The following DIAPH2 variants were observed in gnomAD, a reference collection of about 807,000 sequenced individuals.
The protein encoded by DIAPH2 is diaphanous related formin 2, also known as protein diaphanous homolog 2.
Under a neutral mutation model 92.7 loss-of-function variants are expected in DIAPH2, and 35 were observed. The ratio of observed to expected loss-of-function variants is 0.38; its 90% CI spans 0.29 to 0.50. The LOEUF (loss-of-function observed/expected upper bound fraction) is 0.50, where lower values mean the gene tolerates loss of function less well. Ranked by LOEUF, DIAPH2 falls within the 20% of genes least tolerant of loss-of-function variation. DIAPH2 has a pLI of 0.94. For missense variants in DIAPH2, 701 were observed against 819.5 expected, an observed-to-expected ratio of 0.86 and a Z score of 1.77; for synonymous variants, 301 against 280.4, an observed-to-expected ratio of 1.07 and a Z score of -0.73.
chrX:96,921,209 G>T (rs1461592176), intron 9 of DIAPH2, among the ~76,000 whole-genome samples: 4 of 111,246 alleles, frequency 3.6e-5, no homozygotes, highest in Non-Finnish European at 7.6e-5. Flanking sequence ...TTTAAAAAAG[G>T]TTATTAACTT....
chrX:96,828,940 GAAA>G (rs1389471120), intron 4 of DIAPH2, among the ~76,000 whole-genome samples: 1 of 109,101 alleles, frequency 9.2e-6, no homozygotes, highest in African/African-American at 3.3e-5. Flanking sequence ...ACTGACAGAA[GAAA>G]AAAAAACCCA....
In DIAPH2 at chrX:97,231,493, G is replaced by T. The variant is rs2068009256; in HGVS notation, c.2720-16222G>T. On this transcript the variant is annotated intron_variant, in intron 22 of 26. Transcript: ENST00000324765. Reference sequence around the variant, plus strand: ...ATATAATTAAGAATAATTCACTGTAGCTCTTCAAGTTTACAGCACTGTTAA... The same window carrying T: ...ATATAATTAAGAATAATTCACTGTATCTCTTCAAGTTTACAGCACTGTTAA... 4.5e-5 allele frequency among the ~76,000 whole-genome samples: 5 copies of T among 111,117 alleles called. No homozygotes were observed. The Admixed American group carries it at 4.8e-4, about 11-fold the overall frequency.
chrX:97,375,923 T>C (rs902088083), intron 24 of DIAPH2, among the ~76,000 whole-genome samples: 3 of 111,632 alleles, frequency 2.7e-5, no homozygotes, highest in Non-Finnish European at 5.6e-5. Flanking sequence ...AAGTGTGGGC[T>C]AATTCTCCTG....
At chrX:96,762,587 A>G (rs1393462163) in intron 4 of DIAPH2, among the ~76,000 whole-genome samples, 1 of 111,369 alleles carries the variant, frequency 9.0e-6, no homozygotes, top group African/African-American at 3.2e-5. Context: ...GCATGACTTT[A>G]AATGTAACAT....
chrX:97,564,838 A>G (rs939570388), intron 26 of DIAPH2, among the ~76,000 whole-genome samples: 3 of 111,767 alleles, frequency 2.7e-5, no homozygotes, highest in Non-Finnish European at 5.6e-5. Context: ...CAACTCATGC[A>G]CTATAGATAC....
At chrX:97,423,684 G>A (rs1455886127) in intron 25 of DIAPH2, among the ~76,000 whole-genome samples, 1 of 111,658 alleles carries the variant, frequency 9.0e-6, no homozygotes, top group Non-Finnish European at 1.9e-5. Flanking sequence ...TTCAAGCTGA[G>A]TAGAAAGTTG....
rs1232481974 is a variant in DIAPH2 at position 97,602,094 on chromosome X, C to T, written c.*2777C>T. The T allele has an allele frequency of 8.9e-6, 1 of 111,989 alleles. No homozygotes were observed. Among genetic ancestry groups the T allele is most frequent in the Non-Finnish European group, 1.9e-5 (1 of 53,207 alleles). The allele number at this position is 111,989 out of a possible 1,213,427, so 9.2% of individuals were successfully genotyped here. A position where few individuals can be genotyped will look rare whatever the true frequency, so the allele number is the denominator to read the frequency against. On this transcript the variant is annotated 3_prime_UTR_variant, in exon 27 of 27. Coordinates refer to ENST00000324765, the MANE Select transcript of DIAPH2 (RefSeq NM_006729.5). ...CTTAACTTAATTACATCTGCAAGGC[C>T]CCCTTCTCCAAATAAGATAAATTCA...
At chrX:97,464,759 C>CT (rs1412502779) in intron 26 of DIAPH2, among the ~76,000 whole-genome samples, 2 of 112,099 alleles carry the variant, frequency 1.8e-5, no homozygotes, top group Non-Finnish European at 3.8e-5. Context: ...TCCTAGCACT[C>CT]TAACACAATT....
intron 4 of DIAPH2, among the ~76,000 whole-genome samples, chrX:96,833,878 C>T (rs1171930577): frequency 9.0e-6 from 1 of 110,884 alleles, no homozygotes; most frequent in Non-Finnish European, 1.9e-5. Context: ...CCACTAGTCT[C>T]GAACTCTTAA....
intron 25 of DIAPH2, among the ~76,000 whole-genome samples, chrX:97,391,659 C>T (rs947441158): frequency 9.0e-6 from 1 of 110,977 alleles, no homozygotes; most frequent in Non-Finnish European, 1.9e-5. Flanking sequence ...AAAGGACAAA[C>T]ACTTCTCCCC....
At chrX:96,858,171 C>G (rs2065051737) in intron 4 of DIAPH2, among the ~76,000 whole-genome samples, 1 of 111,547 alleles carries the variant, frequency 9.0e-6, no homozygotes. Flanking sequence ...TTGAAGTACA[C>G]TTTTTTAATT....
At chrX:97,277,809 T>C (rs1403585986) in intron 23 of DIAPH2, among the ~76,000 whole-genome samples, 1 of 112,134 alleles carries the variant, frequency 8.9e-6, no homozygotes, top group African/African-American at 3.2e-5. Context: ...GAAATGACTA[T>C]AGCCGGTTGA....
At chrX:96,874,770 G>T (rs755329494) in intron 4 of DIAPH2, among the ~76,000 whole-genome samples, 4 of 111,392 alleles carry the variant, frequency 3.6e-5, no homozygotes, top group South Asian at 7.5e-4. Flanking sequence ...AAAATTTTTT[G>T]AATATTTGAG....
intron 23 of DIAPH2, among the ~76,000 whole-genome samples, chrX:97,287,627 T>G (rs776788065): frequency 1.9e-5 from 2 of 107,527 alleles, no homozygotes; most frequent in South Asian, 8.2e-4. Context: ...TACCACAGAG[T>G]TTAGATGACA....
chrX:97,573,788 G>C (rs1414575872), intron 26 of DIAPH2, among the ~76,000 whole-genome samples: 2 of 108,334 alleles, frequency 1.8e-5, no homozygotes, highest in East Asian at 5.8e-4. Context: ...AGCCTCCCAA[G>C]TAGATGGGAT....
intron 25 of DIAPH2, among the ~76,000 whole-genome samples, chrX:97,414,903 A>G (rs999608157): frequency 9.0e-6 from 1 of 111,634 alleles, no homozygotes; most frequent in Non-Finnish European, 1.9e-5. Context: ...AGAAACCACC[A>G]TCAGAGTGAA....
chrX:97,569,855 A>G (rs773569808), intron 26 of DIAPH2, among the ~76,000 whole-genome samples: 5 of 106,237 alleles, frequency 4.7e-5, no homozygotes, highest in Non-Finnish European at 9.7e-5. Context: ...GTGGTTCATT[A>G]CGTTATGTCC....
chrX:96,769,261 G>A (rs982590680), intron 4 of DIAPH2, among the ~76,000 whole-genome samples: 2 of 111,990 alleles, frequency 1.8e-5, no homozygotes, highest in Non-Finnish European at 3.8e-5. Flanking sequence ...AGTAGTCAGG[G>A]ACGAGACCGA....
At chrX:97,276,084 G>C (rs1051364402) in intron 23 of DIAPH2, among the ~76,000 whole-genome samples, 1 of 112,290 alleles carries the variant, frequency 8.9e-6, no homozygotes, top group Admixed American at 9.4e-5. Context: ...AGACCAGCCC[G>C]GCCAACACAG....
Sources: allele counts gnomAD v4.1 joint callset (sites outside exome capture counted in the v4.1 genomes callset), GRCh38; gene constraint gnomAD v4.1.1; transcripts MANE v1.5; gene names NCBI Gene and HGNC (gene_info 2026-07-23, HGNC 2026-07-21).